Variants in TNPO2 observed in about 807,000 individuals in gnomAD.
TNPO2 encodes the protein transportin 2.
A neutral mutation model predicts 111.1 loss-of-function variants in TNPO2; 16 were observed. The observed-to-expected ratio is 0.14, with a 90% CI of 0.10 to 0.22. The LOEUF (loss-of-function observed/expected upper bound fraction) is 0.22. Ranked by LOEUF, TNPO2 falls within the 10% of genes least tolerant of loss-of-function variation. The pLI is 1.00. For synonymous variants in TNPO2, 481 were observed against 475.8 expected (o/e 1.01, Z -0.14); for missense variants, 530 against 1,173.7 (o/e 0.45, Z 8.01).
chr19:12,708,591 G>A (rs2025844012), intron 13 of TNPO2, among the ~76,000 whole-genome samples: 1 of 152,124 alleles, frequency 6.6e-6, no homozygotes, highest in Admixed American at 6.6e-5. Flanking sequence ...TACAGGCCGG[G>A]TGCGGTGGCT....
In TNPO2 at chr19:12,702,580, CT is replaced by C. The variant is rs552788040; in HGVS notation, c.2305+242del. Among the ~76,000 whole-genome samples, 364 of 152,214 alleles carry C rather than the reference CT, an allele frequency of 2.4e-3. 2 individuals carry two copies. Among genetic ancestry groups the C allele is most frequent in the Non-Finnish European group, 3.8e-3 (259 of 68,004 alleles). ...ATGGGGTTTCACCATGTTGGCCAGG[CT>C]GGTCTCGAACTCCTGACTTCAGGTG... On this transcript the variant is annotated intron_variant, in intron 21 of 25. Transcript: ENST00000425528. This position sits in a 1 kb window ranked among gnomAD's most constrained non-coding sequence, Gnocchi z 5.5.
At chr19:12,703,162 C>T in intron 20 of TNPO2, 1 of 584,488 alleles carries the variant, frequency 1.7e-6, no homozygotes, top group South Asian at 2.2e-5. Context: ...ACACGCTGCC[C>T]AAGTCAAAGG....
At position 12,721,398 on chromosome 19, in the gene TNPO2, C is replaced by T; in HGVS notation, c.-13-408G>A. ...GGGGCCCCGCCCCAGACCGTGATAG[C>T]GCCCCGGCCCCCGTGGTCTCTTCTA... On this transcript the variant is annotated intron_variant, in intron 2 of 25. Transcript: ENST00000425528. The surrounding 1 kb of genome is among the most constrained non-coding windows in gnomAD (Gnocchi z 4.9). The T allele has an allele frequency of 1.1e-6, 1 of 872,564 alleles. No individual in the cohort carries two copies. Among genetic ancestry groups the T allele is most frequent in the Non-Finnish European group, 1.6e-6 (1 of 617,352 alleles). 54.1% of individuals were successfully genotyped at this position (872,564 alleles called of 1,614,324 possible). A position where few individuals can be genotyped will look rare whatever the true frequency, so the allele number is the denominator to read the frequency against.
Position 12,710,626 on chromosome 19 carries a change from G to C in TNPO2, c.1265C>G (p.Ala422Gly). The change falls in exon 13 of 26, where the codon GCT becomes GGT. Residue 422 changes from alanine to glycine, a missense_variant. By Grantham distance (60) the Ala-to-Gly change is moderately conservative (BLOSUM62 0). This residue lies in a region of TNPO2 where 183 missense variants were observed against 481.0 expected (regional missense o/e 0.38). Transcript: ENST00000425528. ...ESGILVLGAI[A>G]EGCMQGMVPY... is the part of the protein sequence containing the mutation. ...CAGAGATCAGGCGCACTCACCCTCA[G>C]CAATGGCGCCCAGCACCAGGATGCC... 6.2e-7 allele frequency: 1 copy of C among 1,613,250 alleles called. No homozygotes were observed. Among genetic ancestry groups the C allele is most frequent in the Non-Finnish European group, 8.5e-7 (1 of 1,179,646 alleles).
chr19:12,715,312 G>A lies in TNPO2; in HGVS notation c.579C>T (p.Ile193=), dbSNP rs368176474. 33 of 1,613,620 alleles carry A rather than the reference G, an allele frequency of 2.0e-5. No individual in the cohort carries two copies. The highest frequency in any genetic ancestry group is 8.8e-5 in the South Asian group (8 of 91,078). Residue 193 remains isoleucine, a synonymous_variant, in exon 8 of 26, where the codon ATC becomes ATT. Coordinates refer to ENST00000425528, the MANE Select transcript of TNPO2 (RefSeq NM_001382241.1). This position sits in a 1 kb window ranked among gnomAD's most constrained non-coding sequence, Gnocchi z 7.1. ...CCATGATGAACTGGTTCACGCAGGCGATGGCGTGGGACCTGGCGGGGAGCA... is the reference window on the plus strand; with the variant it reads ...CCATGATGAACTGGTTCACGCAGGCAATGGCGTGGGACCTGGCGGGGAGCA... ...HCSPKIRSHA[I]ACVNQFIMDR...
At chr19:12,707,294 G>A (rs182232801) in intron 13 of TNPO2, among the ~76,000 whole-genome samples, 1 of 152,272 alleles carries the variant, frequency 6.6e-6, no homozygotes, top group African/African-American at 2.4e-5. Context: ...ACCGCGCCCA[G>A]CCAAAGAGCT....
chr19:12,702,333 C>A lies in TNPO2; in HGVS notation c.2306-156G>T, dbSNP rs2025365773. The stretch of plus-strand genomic sequence containing the variant: ...GGTCCTCCTCATCACACCTGAGTCA[C>A]TTCCCAGGTCTCTCTGCATCTATCT... On this transcript the variant is annotated intron_variant, in intron 21 of 25. Transcript: ENST00000425528. The surrounding 1 kb of genome is among the most constrained non-coding windows in gnomAD (Gnocchi z 5.5). The A allele has an allele frequency of 1.4e-6, 1 of 694,060 alleles. No homozygotes were observed. The allele number at this position is 694,060 out of a possible 1,614,324, so 43.0% of individuals were successfully genotyped here. A position where few individuals can be genotyped will look rare whatever the true frequency, so the allele number is the denominator to read the frequency against.
At chr19:12,703,398 G>A (rs769051775) in intron 20 of TNPO2, 30 bp downstream of exon 20, 2 of 1,596,586 alleles carry the variant, frequency 1.3e-6, no homozygotes, top group Admixed American at 1.7e-5. Context: ...GCTAATGGGG[G>A]GCGCGTGTTG....
At chr19:12,710,514 G>A in intron 13 of TNPO2, 107 bp downstream of exon 13, 1 of 1,307,814 alleles carries the variant, frequency 7.6e-7, no homozygotes. Context: ...TGTTTGGAGT[G>A]GGGTGAGTAG....
At position 12,706,375 on chromosome 19, in the gene TNPO2, G is replaced by T; in HGVS notation, c.1497-8C>A. On this transcript the variant is annotated splice_region_variant and splice_polypyrimidine_tract_variant and intron_variant, in intron 14 of 25. Coordinates refer to ENST00000425528, the MANE Select transcript of TNPO2 (RefSeq NM_001382241.1). The surrounding 1 kb of genome is among the most constrained non-coding windows in gnomAD (Gnocchi z 7.0). ...TCCAGGGTGGCAAAAGCACTGGTGGGAGGGAGGATGAAGCGGGGGCTCAGT... is the reference window on the plus strand; with the variant it reads ...TCCAGGGTGGCAAAAGCACTGGTGGTAGGGAGGATGAAGCGGGGGCTCAGT... 1 of 1,614,040 alleles carries T rather than the reference G, an allele frequency of 6.2e-7. No individual in the cohort carries two copies. Among genetic ancestry groups the T allele is most frequent in the Non-Finnish European group, 8.5e-7 (1 of 1,180,016 alleles).
chr19:12,715,263 T>C lies in TNPO2; in HGVS notation c.628A>G (p.Asn210Asp). Residue 210 changes from asparagine to aspartate, a missense_variant, in exon 8 of 26, where the codon AAT becomes GAT. Transcript: ENST00000425528. The surrounding 1 kb of genome is among the most constrained non-coding windows in gnomAD (Gnocchi z 7.1). ...IMDRAQALMDNIDTFIEHLFA... is the reference protein window; with the variant it reads ...IMDRAQALMDDIDTFIEHLFA... Reference sequence around the variant, plus strand: ...CCCACCTCGATGAAGGTGTCAATATTGTCCATCAGCGCCTGGGCCCGGTCC... The same window carrying C: ...CCCACCTCGATGAAGGTGTCAATATCGTCCATCAGCGCCTGGGCCCGGTCC... The C allele has an allele frequency of 1.2e-6, 2 of 1,613,580 alleles. No homozygotes were observed. Among genetic ancestry groups the C allele is most frequent in the Non-Finnish European group, 1.7e-6 (2 of 1,179,746 alleles).
chr19:12,721,054 GC>G lies in TNPO2; in HGVS notation c.-13-65del. 6.5e-7 allele frequency: 1 copy of G among 1,533,538 alleles called. No homozygotes were observed. Among genetic ancestry groups the G allele is most frequent in the South Asian group, 1.2e-5 (1 of 83,830 alleles). 95.0% of individuals were successfully genotyped at this position (1,533,538 alleles called of 1,614,324 possible). On this transcript the variant is annotated intron_variant, in intron 2 of 25. Transcript: ENST00000425528. The surrounding 1 kb of genome is among the most constrained non-coding windows in gnomAD (Gnocchi z 4.9). The stretch of plus-strand genomic sequence containing the variant: ...GGGCTCCGTGTGAGACCCAGGTGGA[GC>G]CCCTGAGGCCGCGGTGGCCGCATGA...
rs541132520 is a variant in TNPO2 at position 12,708,486 on chromosome 19, A to C, written c.1271-1691T>G. Among the ~76,000 whole-genome samples, 38 of 152,182 alleles carry C rather than the reference A, an allele frequency of 2.5e-4. No homozygotes were observed. The South Asian group carries it at 7.7e-3, about 31-fold the overall frequency. ...TCTGCTCTTTTATTTAAAGAGAACA[A>C]AGATAATAGCACATTGCCAATAATC... is the stretch of plus-strand genomic sequence containing the variant. On this transcript the variant is annotated intron_variant, in intron 13 of 25. Coordinates refer to ENST00000425528, the MANE Select transcript of TNPO2 (RefSeq NM_001382241.1).
rs780149583 is a variant in TNPO2 at position 12,715,338 on chromosome 19, G to C, written c.567-14C>G. 2 of 1,613,862 alleles carry C rather than the reference G, an allele frequency of 1.2e-6. No homozygotes were observed. Among genetic ancestry groups the C allele is most frequent in the Non-Finnish European group, 1.7e-6 (2 of 1,179,842 alleles). On this transcript the variant is annotated splice_polypyrimidine_tract_variant and intron_variant, in intron 7 of 25. Transcript: ENST00000425528. This position sits in a 1 kb window ranked among gnomAD's most constrained non-coding sequence, Gnocchi z 7.1. ...ATGGCGTGGGACCTGGCGGGGAGCA[G>C]ACACGTGGGTCACCCTGACCCTGCC...
At chr19:12,720,201 A>G (rs2026600753) in intron 3 of TNPO2, among the ~76,000 whole-genome samples, 1 of 152,004 alleles carries the variant, frequency 6.6e-6, no homozygotes, top group Non-Finnish European at 1.5e-5. Context: ...TATTTTTAGT[A>G]GAGACAGGGT....
At position 12,720,960 on chromosome 19, in the gene TNPO2, G is replaced by A. The variant is rs775049018; in HGVS notation, c.18C>T (p.Asp6=). MDWQP[D]EQGLQQVLQL... is the part of the protein sequence containing the mutation. Reference sequence around the variant, plus strand: ...GCAGGACCTGCTGCAGGCCCTGCTCGTCTGGCTGCCAGTCCATGGCGCAAG... The same window carrying A: ...GCAGGACCTGCTGCAGGCCCTGCTCATCTGGCTGCCAGTCCATGGCGCAAG... Residue 6 remains aspartate (D), a synonymous_variant, in exon 3 of 26, where the codon GAC becomes GAT. Transcript: ENST00000425528. 6 of 1,591,026 alleles carry A rather than the reference G, an allele frequency of 3.8e-6. No homozygotes were observed. The highest frequency in any genetic ancestry group is 1.1e-5 in the South Asian group (1 of 88,142).
In TNPO2 at chr19:12,719,130, T is replaced by C; in HGVS notation, c.224A>G (p.Lys75Arg). ...GGGTGGGAAGCTCTGATAGTGTGCC[T>C]TCACGTTGTTCTTGAGGATGAGGCC... ...LSGLILKNNV[K>R]AHYQSFPPPV... is the part of the protein sequence containing the mutation. The change falls in exon 5 of 26, where the codon AAG (lysine) becomes AGG (arginine). Residue 75 changes from lysine (K) to arginine (R), a missense_variant. By Grantham distance (26) the Lys-to-Arg change is conservative. This residue lies in a region of TNPO2 where 156 missense variants were observed against 405.8 expected (regional missense o/e 0.38). Coordinates refer to ENST00000425528, the MANE Select transcript of TNPO2 (RefSeq NM_001382241.1). This position sits in a 1 kb window ranked among gnomAD's most constrained non-coding sequence, Gnocchi z 5.0. The C allele has an allele frequency of 1.2e-6, 2 of 1,613,964 alleles. No individual in the cohort carries two copies. The highest frequency in any genetic ancestry group is 1.7e-6 in the Non-Finnish European group (2 of 1,179,896).
chr19:12,702,031 T>C lies in TNPO2; in HGVS notation c.2411+41A>G. ...CAGGCGAGGGAGGGGGTTGGGCCAG[T>C]CCCGCCCACCACACAGCAGGCTTGA... On this transcript the variant is annotated intron_variant, in intron 22 of 25. Coordinates refer to ENST00000425528, the MANE Select transcript of TNPO2 (RefSeq NM_001382241.1). The surrounding 1 kb of genome is among the most constrained non-coding windows in gnomAD (Gnocchi z 5.5). 1 of 1,586,952 alleles carries C rather than the reference T, an allele frequency of 6.3e-7. No individual in the cohort carries two copies. Among genetic ancestry groups the C allele is most frequent in the Non-Finnish European group, 8.7e-7 (1 of 1,156,018 alleles).
At position 12,710,701 on chromosome 19, in the gene TNPO2, G is replaced by A. The variant is rs762350132; in HGVS notation, c.1190C>T (p.Pro397Leu). ...GTGGAAGAGGAGGCCTTTGAGTAGT[G>A]GGAGTAGGTGGGGCAGCAGTTCCTC... Reference protein sequence around the residue: ...FREELLPHLLPLLKGLLFHPE... With the variant: ...FREELLPHLLLLLKGLLFHPE... Residue 397 changes from proline (P) to leucine (L), a missense_variant, in exon 13 of 26, where the codon CCA becomes CTA. Pro to Leu is a moderately conservative substitution (Grantham distance 98). Transcript: ENST00000425528. 36 of 1,613,472 alleles carry A rather than the reference G, an allele frequency of 2.2e-5. No individual in the cohort carries two copies. The highest frequency in any genetic ancestry group is 2.5e-5 in the Non-Finnish European group (30 of 1,179,750).
Sources: gnomAD v4.1 joint callset for allele counts (sites outside exome capture counted in the v4.1 genomes callset) on GRCh38, gnomAD v4.1.1 for gene constraint, gnomAD v4.1.1 regional missense constraint, Gnocchi (gnomAD v3.1) non-coding constraint, MANE v1.5 for transcripts, NCBI Gene and HGNC (gene_info 2026-07-23, HGNC 2026-07-21) for gene names.